TULP4: variants seen among roughly 807,000 people sequenced by gnomAD.
The protein encoded by TULP4 is tubby-related protein 4.
TULP4 carries 16 observed loss-of-function variants against 129.0 expected under a neutral mutation model. The observed-to-expected ratio is 0.12, with a 90% CI of 0.08 to 0.19. TULP4 has a LOEUF of 0.19. Ranked by LOEUF, TULP4 falls within the 10% of genes least tolerant of loss-of-function variation. The pLI is 1.00. For missense variants in TULP4, 1,842 were observed against 2,059.1 expected (o/e 0.89, Z 2.04); for synonymous variants, 998 against 854.0 (o/e 1.17, Z -2.94).
intron 1 of TULP4, among the ~76,000 whole-genome samples, chr6:158,240,588 A>T (rs1234742777): frequency 1.3e-5 from 1 of 77,410 alleles, no homozygotes; most frequent in Non-Finnish European, 2.8e-5. Context: ...ACTTCCCAGT[A>T]GGGGCGGCCG....
chr6:158,507,358 G>A lies in TULP4; in HGVS notation c.*664G>A, dbSNP rs545298970. The A allele has an allele frequency of 6.5e-5, 10 of 153,446 alleles. No individual in the cohort carries two copies. Among genetic ancestry groups the A allele is most frequent in the Middle Eastern group, 3.4e-3 (1 of 294 alleles). 9.5% of individuals were successfully genotyped at this position (153,446 alleles called of 1,614,324 possible). Reference sequence around the variant, plus strand: ...ACGAAGGGTAAAGAAGAAACTGCACGTATACACAGGTTCACATCACTCTGC... The same window carrying A: ...ACGAAGGGTAAAGAAGAAACTGCACATATACACAGGTTCACATCACTCTGC... On this transcript the variant is annotated 3_prime_UTR_variant, in exon 14 of 14. Transcript: ENST00000367097.
chr6:158,439,388 C>T (rs536732316), intron 3 of TULP4, among the ~76,000 whole-genome samples: 2 of 152,156 alleles, frequency 1.3e-5, no homozygotes, highest in Non-Finnish European at 2.9e-5. Flanking sequence ...AACAACTGCC[C>T]TCCCAGAGCA....
intron 6 of TULP4, among the ~76,000 whole-genome samples, chr6:158,464,668 G>A (rs1004000158): frequency 2.0e-5 from 3 of 152,204 alleles, no homozygotes; most frequent in African/African-American, 4.8e-5. Context: ...TATAGTGCTA[G>A]AATTACAGGC....
In TULP4 at chr6:158,503,877, G is replaced by A; in HGVS notation, c.4214G>A (p.Ser1405Asn). ...AATAAGACAAACGAGTTCCAGGACA[G>A]CTCCGAGAGCGAGCCTGAGCTGTTC... Reference protein sequence around the residue: ...KLNKTNEFQDSSESEPELFIS... With the variant: ...KLNKTNEFQDNSESEPELFIS... Residue 1405 changes from serine (S) to asparagine (N), a missense_variant, in exon 13 of 14, where the codon AGC becomes AAC. By Grantham distance (46) the Ser-to-Asn change is conservative. Transcript: ENST00000367097. The surrounding 1 kb of genome is among the most constrained non-coding windows in gnomAD (Gnocchi z 4.3). 6.2e-7 allele frequency: 1 copy of A among 1,614,094 alleles called. No homozygotes were observed. Among genetic ancestry groups the A allele is most frequent in the African/African-American group, 1.3e-5 (1 of 75,060 alleles).
In TULP4 at chr6:158,248,766, G is replaced by GTAAA. The variant is rs200382093; in HGVS notation, n.68+16478_68+16481dup. On this transcript the variant is annotated intron_variant and non_coding_transcript_variant, in intron 1 of 1. Transcript: ENST00000620026. ...CCAAAATAAATAAATAAGTAAGTAA[G>GTAAA]TAAATAAATAAATAAATAGTGATGC... is the stretch of plus-strand genomic sequence containing the variant. Among the ~76,000 whole-genome samples the GTAAA allele has an allele frequency of 2.9e-3, 431 of 148,742 alleles. 1 individual carries two copies. Among genetic ancestry groups the GTAAA allele is most frequent in the Admixed American group, 6.5e-3 (98 of 15,054 alleles).
rs1780263713 is a variant in TULP4, at chr6:158,493,617, C to T, written c.1676C>T (p.Ala559Val). The T allele has an allele frequency of 1.3e-6, 2 of 1,593,936 alleles. No individual in the cohort carries two copies. The highest frequency in any genetic ancestry group is 1.7e-6 in the Non-Finnish European group (2 of 1,170,580). The stretch of plus-strand genomic sequence containing the variant: ...AAGTCACCCAAGCTGCCCCGGGCTG[C>T]TCAGGAGCTCTCCCGGTCCCCACGG... ...ARKSPKLPRA[A>V]QELSRSPRLP... Residue 559 changes from alanine to valine, a missense_variant, in exon 10 of 14, where the codon GCT (alanine) becomes GTT (valine). Around this residue, in one of 5 missense-constraint regions of TULP4, gnomAD observed 456 missense variants for 534.3 expected, o/e 0.85. Coordinates refer to ENST00000367097, the MANE Select transcript of TULP4 (RefSeq NM_020245.5). This position sits in a 1 kb window ranked among gnomAD's most constrained non-coding sequence, Gnocchi z 4.4.
chr6:158,331,559 C>T (rs978144560), intron 1 of TULP4, among the ~76,000 whole-genome samples: 1 of 150,318 alleles, frequency 6.7e-6, no homozygotes, highest in African/African-American at 2.4e-5. Context: ...CTTACCCTGC[C>T]CTGGGTCTGG....
intron 1 of TULP4, among the ~76,000 whole-genome samples, chr6:158,234,282 C>G (rs933940185): frequency 2.6e-5 from 4 of 152,084 alleles, no homozygotes; most frequent in African/African-American, 7.2e-5. Flanking sequence ...ATGTGTGGTA[C>G]CTGAAGCCTG....
intron 3 of TULP4, among the ~76,000 whole-genome samples, chr6:158,443,477 T>C (rs763971443): frequency 2.0e-5 from 3 of 152,154 alleles, no homozygotes; most frequent in Non-Finnish European, 2.9e-5. Flanking sequence ...GAAATTGATA[T>C]ATGGGTATGT....
At chr6:158,265,139 T>C (rs1489606953) in intron 1 of TULP4, among the ~76,000 whole-genome samples, 1 of 152,154 alleles carries the variant, frequency 6.6e-6, no homozygotes, top group East Asian at 1.9e-4. Flanking sequence ...GCAGAGCAGA[T>C]AGTCTGTTCA....
intron 3 of TULP4, among the ~76,000 whole-genome samples, chr6:158,441,092 G>A (rs963573451): frequency 6.6e-6 from 1 of 152,144 alleles, no homozygotes; most frequent in Non-Finnish European, 1.5e-5. Flanking sequence ...TGAGGGGGTG[G>A]ATCACCTGAG....
chr6:158,258,440 T>C (rs919210084), intron 1 of TULP4, among the ~76,000 whole-genome samples: 13 of 152,188 alleles, frequency 8.5e-5, no homozygotes, highest in Non-Finnish European at 1.5e-5. Context: ...CTATTTTCTT[T>C]GTGTTCCAGA....
chr6:158,340,671 G>A (rs554115343), intron 1 of TULP4, among the ~76,000 whole-genome samples: 1 of 152,266 alleles, frequency 6.6e-6, no homozygotes, highest in South Asian at 2.1e-4. Flanking sequence ...AGGTGACTCC[G>A]CTGAGTCCTA....
At chr6:158,263,841 T>A (rs1778396170) in intron 1 of TULP4, among the ~76,000 whole-genome samples, 1 of 152,018 alleles carries the variant, frequency 6.6e-6, no homozygotes, top group African/African-American at 2.4e-5. Context: ...GGCGGGCGGA[T>A]CACCTGAGGT....
chr6:158,420,261 T>G (rs556380045), intron 2 of TULP4, among the ~76,000 whole-genome samples: 1 of 152,378 alleles, frequency 6.6e-6, no homozygotes, highest in Admixed American at 6.5e-5. Flanking sequence ...GATTTTTTTC[T>G]TCTCAACCAC....
At chr6:158,499,128 A>G (rs1190704301) in intron 12 of TULP4, among the ~76,000 whole-genome samples, 2 of 152,184 alleles carry the variant, frequency 1.3e-5, no homozygotes, top group Non-Finnish European at 2.9e-5. Flanking sequence ...CTGGATTCAG[A>G]TAAGTTTGCA....
At chr6:158,296,072 C>T (rs1444095544) in intron 1 of TULP4, among the ~76,000 whole-genome samples, 8 of 152,170 alleles carry the variant, frequency 5.3e-5, no homozygotes, top group African/African-American at 1.9e-4. Flanking sequence ...TGGCTTGTTT[C>T]TGAACTTCAT....
intron 8 of TULP4, among the ~76,000 whole-genome samples, chr6:158,485,075 T>C (rs1451175365): frequency 6.6e-6 from 1 of 152,156 alleles, no homozygotes; most frequent in Non-Finnish European, 1.5e-5. Context: ...ATGAGGAACA[T>C]ACTGAAAACT....
intron 6 of TULP4, among the ~76,000 whole-genome samples, chr6:158,464,300 A>G (rs1176289026): frequency 1.3e-5 from 2 of 152,232 alleles, no homozygotes; most frequent in Non-Finnish European, 2.9e-5. Flanking sequence ...GCCTGTGGAA[A>G]GATAGGACAT....
Sources: allele counts gnomAD v4.1 joint callset (sites outside exome capture counted in the v4.1 genomes callset), GRCh38; gene constraint gnomAD v4.1.1; regional missense constraint gnomAD v4.1.1; non-coding constraint Gnocchi (gnomAD v3.1); transcripts MANE v1.5; gene names NCBI Gene and HGNC (gene_info 2026-07-23, HGNC 2026-07-21).